VPS9D1: variants seen among roughly 807,000 people sequenced by gnomAD.
The protein encoded by VPS9D1 is VPS9 domain-containing protein 1.
Under a neutral mutation model 75.8 loss-of-function variants are expected in VPS9D1, and 78 were observed. The observed-to-expected ratio is 1.03, with a 90% CI of 0.86 to 1.24. The LOEUF (loss-of-function observed/expected upper bound fraction) is 1.24, where lower values mean the gene tolerates loss of function less well. VPS9D1 is among the 50% of genes most tolerant of loss of function. The pLI, the probability that VPS9D1 is intolerant of heterozygous loss-of-function variation, is 0.00. For synonymous variants in VPS9D1, 481 were observed against 385.6 expected (o/e 1.25, Z -2.90); for missense variants, 1,057 against 847.7 (o/e 1.25, Z -3.07).
chr16:89,716,503 G>C lies in VPS9D1; in HGVS notation c.390C>G (p.Ile130Met). ...ACTCTGCCCCCTGAAGCTTCTGGAAGATCTCGGGTGGCAGAAAAGGAGAGA... is the reference window on the plus strand; with the variant it reads ...ACTCTGCCCCCTGAAGCTTCTGGAACATCTCGGGTGGCAGAAAAGGAGAGA... ...GKLSPFLPPE[I>M]FQKLQGAESQ... Residue 130 changes from isoleucine to methionine, a missense_variant, in exon 4 of 15, where the codon ATC becomes ATG. Ile to Met is a conservative substitution (Grantham distance 10). Coordinates refer to ENST00000389386, the MANE Select transcript of VPS9D1 (RefSeq NM_004913.3). 1 of 1,614,114 alleles carries C rather than the reference G, an allele frequency of 6.2e-7. No homozygotes were observed. Among genetic ancestry groups the C allele is most frequent in the East Asian group, 2.2e-5 (1 of 44,880 alleles).
Position 89,716,771 on chromosome 16 carries a change from T to A in VPS9D1, c.227A>T (p.Gln76Leu), listed in dbSNP as rs1156456285. Residue 76 changes from glutamine (Q) to leucine (L), a missense_variant, in exon 3 of 15, where the codon CAG (glutamine) becomes CTG (leucine). Gln to Leu is a moderately radical substitution (Grantham distance 113, BLOSUM62 -2). Coordinates refer to ENST00000389386, the MANE Select transcript of VPS9D1 (RefSeq NM_004913.3). ...PDTSKMLKLA[Q>L]QCLERAQSTA... ...CGACTGGGCCCTCTCCAGACACTGCTGTGCTAGCTTCAGCATCTTGGAGGT... is the reference window on the plus strand; with the variant it reads ...CGACTGGGCCCTCTCCAGACACTGCAGTGCTAGCTTCAGCATCTTGGAGGT... 14 of 1,594,346 alleles carry A rather than the reference T, an allele frequency of 8.8e-6. No homozygotes were observed. The highest frequency in any genetic ancestry group is 1.2e-5 in the Non-Finnish European group (14 of 1,174,016).
chr16:89,715,443 G>C (rs1423237750), intron 4 of VPS9D1, among the ~76,000 whole-genome samples: 2 of 151,782 alleles, frequency 1.3e-5, no homozygotes, highest in Non-Finnish European at 2.9e-5. Flanking sequence ...GGCCAGGATG[G>C]TCTCGATCTC....
rs577079539 is a variant in VPS9D1, at chr16:89,713,444, C to T, written c.432-728G>A. ...TAATTTTTTGTATTTTTAGTAGAGA[C>T]GGGGTTTCACCGCATTAACCAGGAT... On this transcript the variant is annotated intron_variant, in intron 4 of 14. Transcript: ENST00000389386. Among the ~76,000 whole-genome samples the T allele has an allele frequency of 2.6e-4, 39 of 151,532 alleles. No individual in the cohort carries two copies. The South Asian group carries it at 6.9e-3, about 27-fold the overall frequency.
In VPS9D1 at chr16:89,712,440, A is replaced by G. The variant is rs763533575; in HGVS notation, c.606+20T>C. On this transcript the variant is annotated intron_variant, in intron 6 of 14. Coordinates refer to ENST00000389386, the MANE Select transcript of VPS9D1 (RefSeq NM_004913.3). ...ACTGAGTTTCCCCTCGGGGACCACC[A>G]GGGCGGTCAGAAAGGCTGCTGTCTC... 4 of 1,612,288 alleles carry G rather than the reference A, an allele frequency of 2.5e-6. No homozygotes were observed. The highest frequency in any genetic ancestry group is 4.5e-5 in the East Asian group (2 of 44,872).
rs768453534 is a variant in VPS9D1, at chr16:89,716,454, C to T, written c.431+8G>A. On this transcript the variant is annotated splice_region_variant and intron_variant, in intron 4 of 14. Transcript: ENST00000389386. ...GGCTCATCCCACCTCCCATCTTGTC[C>T]ATCTTACTTCTTACAGCTTTGTGAC... 8 of 1,613,864 alleles carry T rather than the reference C, an allele frequency of 5.0e-6. No individual in the cohort carries two copies. The highest frequency in any genetic ancestry group is 2.2e-5 in the South Asian group (2 of 91,034).
chr16:89,720,336 A>C (rs1360565129), intron 1 of VPS9D1: 1 of 886,628 alleles, frequency 1.1e-6, no homozygotes, highest in East Asian at 1.2e-4. Context: ...ACGACTGCAA[A>C]CAGCATCACA....
At chr16:89,719,179 G>C (rs2061170958) in intron 1 of VPS9D1, 77 bp from the exon 2 acceptor site, 1 of 1,393,094 alleles carries the variant, frequency 7.2e-7, no homozygotes, top group African/African-American at 1.4e-5. Flanking sequence ...AGGTGCCCTT[G>C]TGGGATAAGC....
intron 14 of VPS9D1, among the ~76,000 whole-genome samples, chr16:89,708,192 A>T (rs918122979): frequency 6.6e-6 from 1 of 152,240 alleles, no homozygotes; most frequent in African/African-American, 2.4e-5. Context: ...GATGCTGCTC[A>T]GGGGACAGCC....
rs2060824292 is a variant in VPS9D1, at chr16:89,707,719, C to A, written c.*142G>T. On this transcript the variant is annotated 3_prime_UTR_variant, in exon 15 of 15. Transcript: ENST00000389386. ...GGAAGGTGAAGAGCTGGAGAGCACA[C>A]CACAGTGGACAAGCCCCCACCATGT... 1.1e-5 allele frequency: 8 copies of A among 709,642 alleles called. No individual in the cohort carries two copies. Among genetic ancestry groups the A allele is most frequent in the Non-Finnish European group, 1.9e-5 (8 of 419,016 alleles). The allele number at this position is 709,642 out of a possible 1,614,324, so 44.0% of individuals were successfully genotyped here.
chr16:89,719,258 AG>A (rs1567555311), intron 1 of VPS9D1, 156 bp from the exon 2 acceptor site: 1 of 738,156 alleles, frequency 1.4e-6, no homozygotes, highest in African/African-American at 1.7e-5. Context: ...GGTTAGCTGC[AG>A]CCGGAACACG....
chr16:89,709,025 G>GCGCCCCCC, intron 12 of VPS9D1, 69 bp from the exon 13 acceptor site: 1 of 627,190 alleles, frequency 1.6e-6, no homozygotes, highest in Non-Finnish European at 2.0e-6. Context: ...CTTATACCCC[G>GCGCCCCCC]CCCACCCACC....
intron 6 of VPS9D1, 109 bp from the exon 7 acceptor site, chr16:89,712,208 A>G: frequency 1.3e-6 from 2 of 1,482,782 alleles, no homozygotes; most frequent in South Asian, 2.4e-5. Context: ...CCTCTCGGTG[A>G]GGGGCTGTCC....
chr16:89,708,446 C>G lies in VPS9D1; in HGVS notation c.1783G>C (p.Glu595Gln), dbSNP rs1405282510. ...GTCTACCCCTCGTGGATGAACTCCT[C>G]CAGGGCCGCGCACTCCGACACCAGC... ...PQLVSECAAL[E>Q]EFIHEGYLIG... The change falls in exon 14 of 15, where the codon GAG (glutamate) becomes CAG (glutamine). Residue 595 changes from glutamate (E) to glutamine (Q), a missense_variant. Transcript: ENST00000389386. The G allele has an allele frequency of 1.2e-6, 2 of 1,612,302 alleles. No homozygotes were observed. Among genetic ancestry groups the G allele is most frequent in the Non-Finnish European group, 1.7e-6 (2 of 1,179,712 alleles).
intron 1 of VPS9D1, 49 bp from the exon 2 acceptor site, chr16:89,719,151 G>C (rs774757125): frequency 3.2e-6 from 5 of 1,558,332 alleles, no homozygotes; most frequent in East Asian, 2.2e-5. Context: ...GGAGGGAAGT[G>C]ACTCCATTAT....
chr16:89,719,392 C>T (rs2061180175), intron 1 of VPS9D1: 1 of 538,030 alleles, frequency 1.9e-6, no homozygotes, highest in Non-Finnish European at 3.6e-6. Flanking sequence ...CTGCCTTTCT[C>T]TCCAGCACAG....
chr16:89,708,571 G>T, intron 13 of VPS9D1, 40 bp from the exon 14 acceptor site: 1 of 1,583,848 alleles, frequency 6.3e-7, no homozygotes, highest in Non-Finnish European at 8.6e-7. Flanking sequence ...GGGGCCAGGA[G>T]CCTCTCACTC....
chr16:89,716,731 A>T lies in VPS9D1; in HGVS notation c.267T>A (p.Leu89=), dbSNP rs763934793. 5.0e-6 allele frequency: 8 copies of T among 1,588,992 alleles called. No homozygotes were observed. Among genetic ancestry groups the T allele is most frequent in the Non-Finnish European group, 6.9e-6 (8 of 1,167,278 alleles). The change falls in exon 3 of 15, where the codon CTT becomes CTA. Residue 89 remains leucine, a splice_region_variant and synonymous_variant. Transcript: ENST00000389386. The part of the protein sequence containing the change: ...LERAQSTAAK[L]GKTRLKPTMP... ...AGCCGCCTACTGCAGGAGACCCACC[A>T]AGCTTGGCGGCCGTCGACTGGGCCC...
rs764472959 is a variant in VPS9D1, at chr16:89,709,820, G to A, written c.1345C>T (p.Pro449Ser). The change falls in exon 11 of 15, where the codon CCC becomes TCC. Residue 449 changes from proline (P) to serine (S), a missense_variant. By Grantham distance (74) the Pro-to-Ser change is moderately conservative. Transcript: ENST00000389386. Reference protein sequence around the residue: ...KDRCLACIEEPFFSPLWPLLL... With the variant: ...KDRCLACIEESFFSPLWPLLL... ...AGAGGCCACAGCGGGGAGAAAAAGGGTTCCTCAATGCAGGCCAGGCAGCGG... is the reference window on the plus strand; with the variant it reads ...AGAGGCCACAGCGGGGAGAAAAAGGATTCCTCAATGCAGGCCAGGCAGCGG... The A allele has an allele frequency of 1.9e-6, 3 of 1,613,768 alleles. No homozygotes were observed. The highest frequency in any genetic ancestry group is 4.5e-5 in the East Asian group (2 of 44,866).
At chr16:89,719,712 G>C (rs1054662327) in intron 1 of VPS9D1, among the ~76,000 whole-genome samples, 1 of 152,108 alleles carries the variant, frequency 6.6e-6, no homozygotes, top group Non-Finnish European at 1.5e-5. Context: ...TGGAACCACA[G>C]AATGGTGGTT....
Sources: allele counts gnomAD v4.1 joint callset (sites outside exome capture counted in the v4.1 genomes callset), GRCh38; gene constraint gnomAD v4.1.1; transcripts MANE v1.5; gene names NCBI Gene and HGNC (gene_info 2026-07-23, HGNC 2026-07-21).